Variants in RERE observed in about 807,000 individuals in gnomAD.
RERE encodes the protein arginine-glutamic acid dipeptide repeats.
Under a neutral mutation model 146.1 loss-of-function variants are expected in RERE, and 40 were observed. The observed-to-expected ratio is 0.27, with a 90% CI of 0.21 to 0.36. The LOEUF is 0.36. Among genes scored for constraint, RERE ranks in the 10% least tolerant of loss-of-function variants. The pLI is 1.00. For synonymous variants in RERE, 1,003 were observed against 866.0 expected, an observed-to-expected ratio of 1.16 and a Z score of -2.78; for missense variants, 1,933 against 2,138.7, an observed-to-expected ratio of 0.90 and a Z score of 1.90.
intron 10 of RERE, among the ~76,000 whole-genome samples, chr1:8,474,952 CAAAA>C (rs1486776497): frequency 6.6e-6 from 1 of 152,000 alleles, no homozygotes; most frequent in Non-Finnish European, 1.5e-5. Context: ...AAGAAACTGT[CAAAA>C]TAACTGAGAA....
chr1:8,491,178 C>T (rs11804438), intron 10 of RERE, among the ~76,000 whole-genome samples: 4,637 of 150,570 alleles, frequency 0.031, 618 homozygotes, highest in African/African-American at 0.11. Flanking sequence ...CAGTGGCTCA[C>T]GCCTGTAATC....
At chr1:8,650,103 C>T (rs1406250592) in intron 2 of RERE, among the ~76,000 whole-genome samples, 1 of 152,036 alleles carries the variant, frequency 6.6e-6, no homozygotes, top group African/African-American at 2.4e-5. Flanking sequence ...TTATGCTGAG[C>T]TCCTAAGGAC....
intron 11 of RERE, among the ~76,000 whole-genome samples, chr1:8,427,782 A>T: frequency 6.6e-6 from 1 of 152,244 alleles, no homozygotes; most frequent in South Asian, 2.1e-4. Context: ...CCAGAAATGT[A>T]GAGTAGCCCT....
In RERE at chr1:8,570,205, C is replaced by T. The variant is rs865904067; in HGVS notation, c.523-12682G>A. ...TACAAAAATTAGCTGGGCATGGTGG[C>T]TCGTGCCTGTAGTCCCAGCTACTCA... On this transcript the variant is annotated intron_variant, in intron 4 of 22. Transcript: ENST00000400908. 5.6e-4 allele frequency among the ~76,000 whole-genome samples: 85 copies of T among 152,074 alleles called. 1 individual carries two copies. Among genetic ancestry groups the T allele is most frequent in the Admixed American group, 7.2e-4 (11 of 15,288 alleles).
At chr1:8,440,240 A>T (rs1644227728) in intron 11 of RERE, among the ~76,000 whole-genome samples, 1 of 152,216 alleles carries the variant, frequency 6.6e-6, no homozygotes, top group Non-Finnish European at 1.5e-5. Context: ...CTGAGTGCAC[A>T]GTTCTTTATC....
chr1:8,517,348 T>C (rs937563273), intron 7 of RERE, among the ~76,000 whole-genome samples: 10 of 152,166 alleles, frequency 6.6e-5, no homozygotes, highest in African/African-American at 2.4e-4. Context: ...CACAGCTTAT[T>C]AGCAATGAGA....
At chr1:8,777,937 A>C (rs1402056332) in intron 1 of RERE, among the ~76,000 whole-genome samples, 1 of 152,038 alleles carries the variant, frequency 6.6e-6, no homozygotes, top group African/African-American at 2.4e-5. Flanking sequence ...TTTGAAGGCC[A>C]AATGTTGTAT....
intron 1 of RERE, among the ~76,000 whole-genome samples, chr1:8,719,208 T>C (rs867908132): frequency 2.0e-5 from 3 of 152,134 alleles, no homozygotes; most frequent in African/African-American, 4.8e-5. Context: ...TCACAAAAGG[T>C]AGTGCCTGTC....
chr1:8,447,507 A>G (rs1384172864), intron 11 of RERE, among the ~76,000 whole-genome samples: 4 of 151,928 alleles, frequency 2.6e-5, no homozygotes, highest in Non-Finnish European at 5.9e-5. Context: ...GTTGATGTTG[A>G]TGGTATTCCT....
chr1:8,735,398 T>C (rs972475205), intron 1 of RERE, among the ~76,000 whole-genome samples: 3 of 152,246 alleles, frequency 2.0e-5, no homozygotes. Flanking sequence ...AGATATTTCA[T>C]GCATATACAG....
chr1:8,647,224 C>T (rs936828269), intron 2 of RERE, among the ~76,000 whole-genome samples: 15 of 152,184 alleles, frequency 9.9e-5, no homozygotes, highest in African/African-American at 3.4e-4. Flanking sequence ...TAACACACAG[C>T]CACATTGTGT....
At chr1:8,539,641 C>T (rs550671981) in intron 7 of RERE, among the ~76,000 whole-genome samples, 48 of 152,200 alleles carry the variant, frequency 3.2e-4, no homozygotes, top group African/African-American at 9.1e-4. Context: ...CCTGACCTCA[C>T]GATCCGCCCG....
chr1:8,811,917 C>A (rs1031995695), intron 1 of RERE, among the ~76,000 whole-genome samples: 3 of 152,202 alleles, frequency 2.0e-5, no homozygotes, highest in African/African-American at 7.2e-5. Context: ...GCCACAAACT[C>A]CTCCTGCTGA....
intron 12 of RERE, among the ~76,000 whole-genome samples, chr1:8,420,481 T>C (rs1418123343): frequency 6.6e-6 from 1 of 152,188 alleles, no homozygotes; most frequent in Non-Finnish European, 1.5e-5. Flanking sequence ...CCCTGTGGGC[T>C]GTGAATGATT....
intron 4 of RERE, among the ~76,000 whole-genome samples, chr1:8,600,554 C>G (rs1259866790): frequency 1.3e-5 from 2 of 152,048 alleles, no homozygotes; most frequent in Admixed American, 1.3e-4. Flanking sequence ...AAGAAAAAGC[C>G]AGGGGGAAGT....
At position 8,486,769 on chromosome 1, in the gene RERE, A is replaced by AAG. The variant is rs1553173146; in HGVS notation, c.1104+8293_1104+8294insCT. Among the ~76,000 whole-genome samples, 621 of 147,312 alleles carry AAG rather than the reference A, an allele frequency of 4.2e-3. 1 individual carries two copies. The highest frequency in any genetic ancestry group is 0.015 in the African/African-American group (579 of 37,966). ...GGAGTCCATCTTAAAAAAAAAAAAAAAAAGAAAAGAAAGAAAAGAAAAAAA... is the reference window on the plus strand; with the variant it reads ...GGAGTCCATCTTAAAAAAAAAAAAAAAGAAAGAAAAGAAAGAAAAGAAAAAAA... On this transcript the variant is annotated intron_variant, in intron 10 of 22. Coordinates refer to ENST00000400908, the MANE Select transcript of RERE (RefSeq NM_001042681.2).
chr1:8,354,541 A>G lies in RERE; in HGVS notation c.*546T>C, dbSNP rs1641215213. 6.6e-6 allele frequency: 1 copy of G among 152,282 alleles called. No homozygotes were observed. Among genetic ancestry groups the G allele is most frequent in the Admixed American group, 6.5e-5 (1 of 15,276 alleles). The allele number at this position is 152,282 out of a possible 1,614,324, so 9.4% of individuals were successfully genotyped here. ...ATGGAAGAAAAAAAGGCTGTTCTAA[A>G]ATTATTTATTTACAGACGTAAAAAG... is the stretch of plus-strand genomic sequence containing the variant. On this transcript the variant is annotated 3_prime_UTR_variant, in exon 23 of 23. Coordinates refer to ENST00000400908, the MANE Select transcript of RERE (RefSeq NM_001042681.2).
At chr1:8,610,252 C>A (rs141593461) in intron 4 of RERE, among the ~76,000 whole-genome samples, 48 of 152,222 alleles carry the variant, frequency 3.2e-4, no homozygotes, top group Non-Finnish European at 6.0e-4. Flanking sequence ...TGTTCACAGA[C>A]CCTCTAAAAC....
intron 10 of RERE, among the ~76,000 whole-genome samples, chr1:8,479,928 A>C (rs1008160737): frequency 2.0e-5 from 3 of 152,188 alleles, no homozygotes; most frequent in Middle Eastern, 3.2e-3. Context: ...ATACTAGGGC[A>C]AATATTATAC....
Sources: gnomAD v4.1 joint callset for allele counts (sites outside exome capture counted in the v4.1 genomes callset) on GRCh38, gnomAD v4.1.1 for gene constraint, MANE v1.5 for transcripts, NCBI Gene and HGNC (gene_info 2026-07-23, HGNC 2026-07-21) for gene names.